Variants in KY observed in about 807,000 individuals in gnomAD.
KY encodes kyphoscoliosis peptidase.
A neutral mutation model predicts 76.1 loss-of-function variants in KY; 43 were observed. The ratio of observed to expected loss-of-function variants is 0.57; its 90% CI spans 0.44 to 0.73. The LOEUF (loss-of-function observed/expected upper bound fraction) is 0.73, where lower values mean the gene tolerates loss of function less well. Among genes scored for constraint, KY ranks in the 30% least tolerant of loss-of-function variants. KY has a pLI of 0.00. For missense variants in KY, 722 were observed against 828.9 expected, an observed-to-expected ratio of 0.87 and a Z score of 1.58; for synonymous variants, 277 against 326.2, an observed-to-expected ratio of 0.85 and a Z score of 1.63.
chr3:134,610,531 G>A (rs993991555), intron 8 of KY, 148 bp from the exon 9 acceptor site: 1 of 666,498 alleles, frequency 1.5e-6, no homozygotes, highest in East Asian at 2.8e-5. Context: ...CATATAAACA[G>A]CCTTGATGGC....
intron 8 of KY, among the ~76,000 whole-genome samples, chr3:134,618,827 C>T (rs969410781): frequency 2.0e-5 from 3 of 152,182 alleles, no homozygotes; most frequent in South Asian, 4.1e-4. Context: ...ACTGTCCTCC[C>T]GCTCCCAGGC....
At chr3:134,633,473 C>T (rs1964501417) in intron 3 of KY, among the ~76,000 whole-genome samples, 2 of 152,042 alleles carry the variant, frequency 1.3e-5, no homozygotes, top group South Asian at 4.1e-4. Context: ...ATGTAATTCA[C>T]CATATTAACA....
At chr3:134,625,268 G>A in intron 5 of KY, 133 bp from the exon 6 acceptor site, 2 of 735,328 alleles carry the variant, frequency 2.7e-6, no homozygotes, top group South Asian at 3.4e-5. Flanking sequence ...GAAACATTGA[G>A]CCTAAGAGCT....
At chr3:134,604,880 C>T (rs532771470) in intron 10 of KY, among the ~76,000 whole-genome samples, 6 of 152,316 alleles carry the variant, frequency 3.9e-5, no homozygotes, top group African/African-American at 1.4e-4. Flanking sequence ...TAGCTTGCAC[C>T]TTGCTCCCTG....
intron 8 of KY, chr3:134,615,512 T>C (rs1359856605): frequency 1.3e-5 from 2 of 152,084 alleles, no homozygotes; most frequent in East Asian, 3.8e-4. Context: ...AGTTTTAGGA[T>C]ACATGTGCAC....
At chr3:134,623,158 C>T (rs1301119644) in intron 6 of KY, among the ~76,000 whole-genome samples, 2 of 152,216 alleles carry the variant, frequency 1.3e-5, no homozygotes, top group Non-Finnish European at 2.9e-5. Flanking sequence ...CCTTTGGTCC[C>T]CACCTCCTGG....
chr3:134,618,948 G>A (rs542317608), intron 8 of KY, among the ~76,000 whole-genome samples, 200 bp downstream of exon 8: 2 of 152,270 alleles, frequency 1.3e-5, no homozygotes, highest in African/African-American at 2.4e-5. Flanking sequence ...AATGCATCGC[G>A]AAGCCCGGCA....
intron 5 of KY, among the ~76,000 whole-genome samples, chr3:134,627,449 TC>T (rs1456106789): frequency 6.6e-6 from 1 of 152,238 alleles, no homozygotes; most frequent in African/African-American, 2.4e-5. Flanking sequence ...CATTTGGCAT[TC>T]CATTTAAAGT....
rs755711507 is a variant in KY at position 134,629,600 on chromosome 3, G to A, written c.337+21C>T. ...ATCCTCTCTGCCAGCCCTCCACCAT[G>A]AGTACCTGTGTCATACATACGTTTA... On this transcript the variant is annotated intron_variant, in intron 4 of 10. Coordinates refer to ENST00000423778, the MANE Select transcript of KY (RefSeq NM_178554.6). 369 of 1,577,718 alleles carry A rather than the reference G, an allele frequency of 2.3e-4. 1 individual carries two copies. The highest frequency in any genetic ancestry group is 3.1e-4 in the Non-Finnish European group (359 of 1,159,364).
At chr3:134,637,876 G>T (rs928681120) in intron 3 of KY, among the ~76,000 whole-genome samples, 5 of 152,254 alleles carry the variant, frequency 3.3e-5, no homozygotes, top group African/African-American at 9.6e-5. Flanking sequence ...CCAGGGCAGG[G>T]TGTTGAGGTG....
At position 134,625,089 on chromosome 3, in the gene KY, C is replaced by T. The variant is rs368993558; in HGVS notation, c.447G>A (p.Leu149=). 9.3e-5 allele frequency: 149 copies of T among 1,602,676 alleles called. No homozygotes were observed. The highest frequency in any genetic ancestry group is 1.1e-4 in the Non-Finnish European group (128 of 1,174,602). ...AGATATCCAATTTCTCAAACTGCTG[C>T]AGGTCCAGGGACATGGATTTCAGGC... is the stretch of plus-strand genomic sequence containing the variant. ...RSSLKSMSLD[L]QQFEKLDIYA... Residue 149 remains leucine, a synonymous_variant, in exon 6 of 11, where the codon CTG becomes CTA. Transcript: ENST00000423778.
At chr3:134,637,475 G>C (rs1965130435) in intron 3 of KY, among the ~76,000 whole-genome samples, 1 of 152,180 alleles carries the variant, frequency 6.6e-6, no homozygotes, top group Admixed American at 6.5e-5. Context: ...ACAATGATCT[G>C]AGTAGTCCTG....
At position 134,603,681 on chromosome 3, in the gene KY, G is replaced by T. The variant is rs781509299; in HGVS notation, c.1884C>A (p.Ser628Arg). 6.2e-6 allele frequency: 10 copies of T among 1,613,776 alleles called. No homozygotes were observed. The African/African-American group carries it at 1.3e-4, about 22-fold the overall frequency. Residue 628 changes from serine to arginine, a missense_variant, in exon 11 of 11, where the codon AGC becomes AGA. Ser to Arg is a moderately radical substitution (Grantham distance 110). Around this residue, in one of 2 missense-constraint regions of KY, gnomAD observed 552 missense variants for 680.9 expected, o/e 0.81. Transcript: ENST00000423778. ...CTTCCTGGCAGCCAGCTGTGCTGCAGCTTCCCTCCCAGTAGCCCTCGTGGT... is the reference window on the plus strand; with the variant it reads ...CTTCCTGGCAGCCAGCTGTGCTGCATCTTCCCTCCCAGTAGCCCTCGTGGT... Reference protein sequence around the residue: ...TLNHEGYWEGSCSTAGCQEVY... With the variant: ...TLNHEGYWEGRCSTAGCQEVY...
intron 3 of KY, among the ~76,000 whole-genome samples, chr3:134,635,322 C>A (rs1233846578): frequency 1.3e-4 from 20 of 151,744 alleles, no homozygotes; most frequent in Non-Finnish European, 2.5e-4. Context: ...TATGGTGAAA[C>A]CCCATCTCTA....
Position 134,643,387 on chromosome 3 carries a change from G to C in KY, c.200-9C>G, listed in dbSNP as rs988086245. ...CTTCTCCACCAAGTTTTCTATTTAA[G>C]GAAGACAGAGAGGCCTGCAGTGACC... On this transcript the variant is annotated splice_polypyrimidine_tract_variant and intron_variant, in intron 2 of 10. Transcript: ENST00000423778. 16 of 1,613,462 alleles carry C rather than the reference G, an allele frequency of 9.9e-6. No individual in the cohort carries two copies. Among genetic ancestry groups the C allele is most frequent in the Non-Finnish European group, 1.4e-5 (16 of 1,179,554 alleles).
Position 134,604,400 on chromosome 3 carries a change from C to T in KY, c.1165G>A (p.Glu389Lys). The change falls in exon 11 of 11, where the codon GAG becomes AAG. Residue 389 changes from glutamate to lysine, a missense_variant. By Grantham distance (56) the Glu-to-Lys change is moderately conservative. Around this residue, in one of 2 missense-constraint regions of KY, gnomAD observed 552 missense variants for 680.9 expected, o/e 0.81. Transcript: ENST00000423778. ...TTCCTTAGGCTCAGCAGCCCATGCT[C>T]TTGCTTGCCATTGAGCATGAACATG... ...LFMFMLNGKQEHGLLSLRKNG... is the reference protein window; with the variant it reads ...LFMFMLNGKQKHGLLSLRKNG... 1.2e-6 allele frequency: 2 copies of T among 1,614,060 alleles called. No individual in the cohort carries two copies.
intron 10 of KY, among the ~76,000 whole-genome samples, chr3:134,604,831 T>C (rs1338115758): frequency 1.3e-5 from 2 of 152,192 alleles, no homozygotes; most frequent in Non-Finnish European, 2.9e-5. Context: ...GAGAGGGTCA[T>C]GGGTCAGGAG....
In KY at chr3:134,624,944, A is replaced by G. The variant is rs1259197920; in HGVS notation, c.483+109T>C. 6 of 976,276 alleles carry G rather than the reference A, an allele frequency of 6.1e-6. No homozygotes were observed. In the African/African-American group the frequency reaches 6.5e-5, roughly 11 times the overall value. 60.5% of individuals were successfully genotyped at this position (976,276 alleles called of 1,614,324 possible). ...TGAAAAGGCATTCCAGGGCCATCCAACCAAGCCACTCAGGATATGTTCAGG... is the reference window on the plus strand; with the variant it reads ...TGAAAAGGCATTCCAGGGCCATCCAGCCAAGCCACTCAGGATATGTTCAGG... On this transcript the variant is annotated intron_variant, in intron 6 of 10. Coordinates refer to ENST00000423778, the MANE Select transcript of KY (RefSeq NM_178554.6).
chr3:134,629,386 G>C, intron 4 of KY: 1 of 523,418 alleles, frequency 1.9e-6, no homozygotes, highest in Non-Finnish European at 3.4e-6. Context: ...TGTGTCTTCA[G>C]CTAAATGTCT....
Sources: allele counts gnomAD v4.1 joint callset (sites outside exome capture counted in the v4.1 genomes callset), GRCh38; gene constraint gnomAD v4.1.1; regional missense constraint gnomAD v4.1.1; transcripts MANE v1.5; gene names NCBI Gene and HGNC (gene_info 2026-07-23, HGNC 2026-07-21).